Variants in SCRN1 observed in about 807,000 individuals in gnomAD.
SCRN1 encodes the protein secernin 1.
In SCRN1, 19 loss-of-function variants were observed where a neutral mutation model predicts 43.3. The observed-to-expected ratio is 0.44, with a 90% CI of 0.31 to 0.64. SCRN1 has a LOEUF of 0.64. SCRN1 is among the 30% of genes least tolerant of loss of function. The pLI is 0.09. For missense variants in SCRN1, 447 were observed against 524.1 expected (o/e 0.85, Z 1.44); for synonymous variants, 183 against 188.9 (o/e 0.97, Z 0.26).
intron 5 of SCRN1, among the ~76,000 whole-genome samples, chr7:29,939,585 T>C (rs1161652961): frequency 6.6e-6 from 1 of 152,218 alleles, no homozygotes; most frequent in South Asian, 2.1e-4. Flanking sequence ...AACTCTGCCA[T>C]TATAGTGAGA....
At chr7:29,989,616 G>T in intron 1 of SCRN1, 26 bp downstream of exon 1, 6 of 985,622 alleles carry the variant, frequency 6.1e-6, no homozygotes, top group Non-Finnish European at 7.2e-6. Context: ...CGCTGCAAAC[G>T]CCCTGCGCTC....
chr7:29,926,351 G>T (rs927909615), intron 7 of SCRN1, 101 bp downstream of exon 7: 9 of 1,263,544 alleles, frequency 7.1e-6, no homozygotes, highest in Non-Finnish European at 7.8e-6. Flanking sequence ...CTGGATGGGT[G>T]GGGGTAGGGT....
intron 1 of SCRN1, among the ~76,000 whole-genome samples, chr7:29,985,474 C>T (rs1209396579): frequency 6.6e-6 from 1 of 151,944 alleles, no homozygotes; most frequent in African/African-American, 2.4e-5. Flanking sequence ...CAAGGCCAAA[C>T]TCCTAATTAG....
intron 6 of SCRN1, among the ~76,000 whole-genome samples, chr7:29,929,601 C>G (rs1787090507): frequency 6.6e-6 from 1 of 152,244 alleles, no homozygotes; most frequent in African/African-American, 2.4e-5. Context: ...GGCGGAGCTA[C>G]CTCCCACAGA....
intron 3 of SCRN1, among the ~76,000 whole-genome samples, chr7:29,946,257 AGAGAAGGAAC>A (rs1396866515): frequency 6.6e-6 from 1 of 152,236 alleles, no homozygotes; most frequent in East Asian, 1.9e-4. Flanking sequence ...TCTTCTCCAA[AGAGAAGGAAC>A]AGAAGCAGGC....
intron 1 of SCRN1, among the ~76,000 whole-genome samples, chr7:29,982,865 G>A (rs1413603550): frequency 1.3e-5 from 2 of 150,816 alleles, no homozygotes; most frequent in South Asian, 4.2e-4. Flanking sequence ...TTTTGAGACG[G>A]ATTCTCGCCC....
intron 1 of SCRN1, among the ~76,000 whole-genome samples, chr7:29,976,705 A>C (rs1309505987): frequency 1.3e-5 from 2 of 152,250 alleles, no homozygotes; most frequent in Non-Finnish European, 2.9e-5. Flanking sequence ...CCCTAAGCTT[A>C]GTTTCTAACC....
chr7:29,949,275 A>T (rs1255807365), intron 3 of SCRN1, among the ~76,000 whole-genome samples: 15 of 149,566 alleles, frequency 1.0e-4, no homozygotes, highest in African/African-American at 2.9e-4. Flanking sequence ...AGATGGTGCC[A>T]CTGCACTCCA....
rs368988981 is a variant in SCRN1 at position 29,968,927 on chromosome 7, T to G, written c.141A>C (p.Glu47Asp). 2.5e-6 allele frequency: 4 copies of G among 1,613,872 alleles called. No individual in the cohort carries two copies. In the African/African-American group the frequency reaches 5.3e-5, roughly 22 times the overall value. Residue 47 changes from glutamate (E) to aspartate (D), a missense_variant, in exon 2 of 8, where the codon GAA (glutamate) becomes GAC (aspartate). By Grantham distance (45) the Glu-to-Asp change is conservative. Coordinates refer to ENST00000242059, the MANE Select transcript of SCRN1 (RefSeq NM_014766.5). ...GGCTTACCTCAACCTTGCTCTCCGG[T>G]TCGTGATCAGCAGCCGAGAAATACA... is the stretch of plus-strand genomic sequence containing the variant. The part of the protein sequence containing the change: ...EVVYFSAADH[E>D]PESKVECTYI...
intron 1 of SCRN1, among the ~76,000 whole-genome samples, chr7:29,986,717 A>ATTT (rs553845779): frequency 1.7e-3 from 171 of 99,788 alleles, no homozygotes; most frequent in East Asian, 2.5e-3. Flanking sequence ...AATTTTTTTA[A>ATTT]TTTTTTTTTT....
At chr7:29,966,257 C>T (rs1788495340) in intron 2 of SCRN1, among the ~76,000 whole-genome samples, 1 of 149,826 alleles carries the variant, frequency 6.7e-6, no homozygotes, top group Non-Finnish European at 1.5e-5. Flanking sequence ...TCACTTCCAC[C>T]ATGCTCCACC....
chr7:29,928,595 G>A (rs1235073176), intron 6 of SCRN1, among the ~76,000 whole-genome samples: 2 of 152,154 alleles, frequency 1.3e-5, no homozygotes, highest in Non-Finnish European at 2.9e-5. Flanking sequence ...ATTGGAGACT[G>A]GGCCCATCTC....
At position 29,926,518 on chromosome 7, in the gene SCRN1, T is replaced by C. The variant is rs2086651149; in HGVS notation, c.1020A>G (p.Lys340=). The change falls in exon 7 of 8, where the codon AAA becomes AAG. Residue 340 remains lysine, a synonymous_variant. Coordinates refer to ENST00000242059, the MANE Select transcript of SCRN1 (RefSeq NM_014766.5). ...PAKKEPRFQE[K]PDRRHELYKA... ...TGTACAGCTCATGCCGGCGGTCTGG[T>C]TTCTCCTGGAACCGAGGCTCCTTTT... The C allele has an allele frequency of 6.2e-7, 1 of 1,614,066 alleles. No individual in the cohort carries two copies. The highest frequency in any genetic ancestry group is 8.5e-7 in the Non-Finnish European group (1 of 1,180,038).
chr7:29,972,426 G>A (rs1299441348), intron 1 of SCRN1, among the ~76,000 whole-genome samples: 1 of 152,186 alleles, frequency 6.6e-6, no homozygotes, highest in East Asian at 1.9e-4. Flanking sequence ...AACCCATGGG[G>A]TTTTGGGCAA....
intron 3 of SCRN1, among the ~76,000 whole-genome samples, chr7:29,951,094 G>A (rs922455664): frequency 4.6e-5 from 7 of 152,242 alleles, no homozygotes; most frequent in Non-Finnish European, 8.8e-5. Context: ...GGGGCTCCCT[G>A]AGCCAGGACT....
chr7:29,949,279 C>T (rs62459591), intron 3 of SCRN1, among the ~76,000 whole-genome samples: 28,285 of 149,770 alleles, frequency 0.19, 2,726 homozygotes, highest in Middle Eastern at 0.23. Flanking sequence ...GGTGCCACTG[C>T]ACTCCAGCCT....
At chr7:29,972,022 TC>T (rs1422132110) in intron 1 of SCRN1, among the ~76,000 whole-genome samples, 2 of 152,306 alleles carry the variant, frequency 1.3e-5, no homozygotes, top group East Asian at 3.9e-4. Flanking sequence ...CAGTTCTTTC[TC>T]CCCTTAACCT....
At chr7:29,937,792 A>G (rs532203733) in intron 5 of SCRN1, among the ~76,000 whole-genome samples, 1 of 152,316 alleles carries the variant, frequency 6.6e-6, no homozygotes, top group East Asian at 1.9e-4. Context: ...TTAAAACACT[A>G]TTTCAGTCTG....
In SCRN1 at chr7:29,969,090, G is replaced by C. The variant is rs371312696; in HGVS notation, c.-1-22C>G. Reference sequence around the variant, plus strand: ...CATCCTGAAAAGAGAATGCCAGCAAGAGTGGAAGCAGGCCTCACATGGAAC... The same window carrying C: ...CATCCTGAAAAGAGAATGCCAGCAACAGTGGAAGCAGGCCTCACATGGAAC... On this transcript the variant is annotated intron_variant, in intron 1 of 7. Transcript: ENST00000242059. The C allele has an allele frequency of 2.4e-5, 38 of 1,605,802 alleles. No individual in the cohort carries two copies. In the African/African-American group the frequency reaches 3.3e-4, roughly 14 times the overall value.
Sources: allele counts gnomAD v4.1 joint callset (sites outside exome capture counted in the v4.1 genomes callset), GRCh38; gene constraint gnomAD v4.1.1; transcripts MANE v1.5; gene names NCBI Gene and HGNC (gene_info 2026-07-23, HGNC 2026-07-21).